Variants in NLGN4X observed in about 807,000 individuals in gnomAD.
NLGN4X encodes neuroligin-4, X-linked.
Under a neutral mutation model 40.3 loss-of-function variants are expected in NLGN4X, and 3 were observed. That is an observed-to-expected ratio of 0.07 (90% CI 0.03 to 0.19). The LOEUF (loss-of-function observed/expected upper bound fraction) is 0.19, where lower values mean the gene tolerates loss of function less well. Among genes scored for constraint, NLGN4X ranks in the 10% least tolerant of loss-of-function variants. The pLI, the probability that NLGN4X is intolerant of heterozygous loss-of-function variation, is 1.00. For missense variants in NLGN4X, 382 were observed against 708.3 expected, an observed-to-expected ratio of 0.54 and a Z score of 5.23; for synonymous variants, 270 against 306.8, an observed-to-expected ratio of 0.88 and a Z score of 1.25.
chrX:6,062,939 A>C (rs930601962), intron 2 of NLGN4X, among the ~76,000 whole-genome samples: 2 of 110,626 alleles, frequency 1.8e-5, no homozygotes, highest in African/African-American at 3.3e-5. Context: ...CTCTGCCCTA[A>C]ACAGAACAGG....
intron 2 of NLGN4X, among the ~76,000 whole-genome samples, chrX:6,075,289 A>G (rs2038167065): frequency 8.9e-6 from 1 of 112,136 alleles, no homozygotes; most frequent in African/African-American, 3.2e-5. Context: ...ATACTTCAAG[A>G]TACTTCAAGA....
intron 2 of NLGN4X, among the ~76,000 whole-genome samples, chrX:6,102,643 T>TATACATACATACATACATACATAC (rs60184331): frequency 9.6e-6 from 1 of 104,395 alleles, no homozygotes; most frequent in Non-Finnish European, 1.9e-5. Flanking sequence ...TTGATAGATA[T>TATACATACATACATACATACATAC]ATACATACAT....
chrX:6,038,179 G>C (rs746779572), intron 2 of NLGN4X, among the ~76,000 whole-genome samples: 1 of 111,790 alleles, frequency 8.9e-6, no homozygotes, highest in East Asian at 2.8e-4. Flanking sequence ...TGGGGATAGA[G>C]GGGTGGCTGG....
At chrX:6,227,181 A>T (rs1461722836) in intron 1 of NLGN4X, 1 of 111,013 alleles carries the variant, frequency 9.0e-6, no homozygotes, top group Non-Finnish European at 1.9e-5. Context: ...GGGACAGCAG[A>T]GAGGCTTGGG....
At chrX:5,928,563 A>C (rs777272272) in intron 3 of NLGN4X, among the ~76,000 whole-genome samples, 1 of 112,084 alleles carries the variant, frequency 8.9e-6, no homozygotes, top group African/African-American at 3.2e-5. Context: ...TACTTGCTGG[A>C]TTCATTTATC....
chrX:6,210,242 TTGTGTGTGTG>T (rs748017875), intron 1 of NLGN4X, among the ~76,000 whole-genome samples: 6 of 94,105 alleles, frequency 6.4e-5, no homozygotes, highest in Admixed American at 2.4e-4. Context: ...GTGCGCCCGT[TTGTGTGTGTG>T]TGTGTGTGTG....
intron 3 of NLGN4X, among the ~76,000 whole-genome samples, chrX:5,957,394 C>T (rs1303536901): frequency 9.0e-6 from 1 of 111,693 alleles, no homozygotes; most frequent in Non-Finnish European, 1.9e-5. Flanking sequence ...CACATAAGCA[C>T]GAATCAGTAC....
intron 2 of NLGN4X, among the ~76,000 whole-genome samples, chrX:6,129,046 G>C (rs2039622881): frequency 9.0e-6 from 1 of 111,389 alleles, no homozygotes; most frequent in Non-Finnish European, 1.9e-5. Context: ...TGCTGCATGA[G>C]TGGGCATTTC....
chrX:6,009,838 C>G (rs900669837), intron 3 of NLGN4X, among the ~76,000 whole-genome samples: 4 of 112,473 alleles, frequency 3.6e-5, no homozygotes, highest in Non-Finnish European at 5.6e-5. Context: ...ACACAGGGGG[C>G]CCCTGTTTCA....
intron 3 of NLGN4X, among the ~76,000 whole-genome samples, chrX:5,997,443 A>G (rs1257724683): frequency 9.7e-6 from 1 of 103,309 alleles, no homozygotes; most frequent in African/African-American, 3.5e-5. Flanking sequence ...GTTACAAATT[A>G]AAAAAAAAAC....
chrX:5,954,386 G>T lies in NLGN4X; in HGVS notation c.626-45147C>A, dbSNP rs2034413779. On this transcript the variant is annotated intron_variant, in intron 3 of 5. Transcript: ENST00000381095. ...CTACAGGCAGGCACCAGCATGCTTGGCTAACTTTTTTTTTTTTTTTTTTTT... is the reference window on the plus strand; with the variant it reads ...CTACAGGCAGGCACCAGCATGCTTGTCTAACTTTTTTTTTTTTTTTTTTTT... 4.6e-5 allele frequency among the ~76,000 whole-genome samples: 4 copies of T among 87,280 alleles called. No individual in the cohort carries two copies. In the Admixed American group the frequency reaches 6.0e-4, roughly 13 times the overall value. The allele number at this position is 87,280 out of a possible 115,157, so 75.8% of individuals were successfully genotyped here.
chrX:6,025,095 T>C (rs1156671020), intron 3 of NLGN4X, among the ~76,000 whole-genome samples: 1 of 111,474 alleles, frequency 9.0e-6, no homozygotes, highest in Admixed American at 9.6e-5. Context: ...GAAATCTGTT[T>C]ATAGAAGTGC....
intron 3 of NLGN4X, among the ~76,000 whole-genome samples, chrX:5,910,580 G>A (rs1452846415): frequency 9.0e-6 from 1 of 111,156 alleles, no homozygotes; most frequent in Non-Finnish European, 1.9e-5. Context: ...TCCAAGGAGT[G>A]ACTGAGTGCC....
chrX:6,095,753 T>C (rs1421957436), intron 2 of NLGN4X, among the ~76,000 whole-genome samples: 1 of 111,904 alleles, frequency 8.9e-6, no homozygotes, highest in Non-Finnish European at 1.9e-5. Context: ...CGTTAGGTGT[T>C]AAAGACTTGG....
chrX:6,036,276 A>G (rs915984993), intron 2 of NLGN4X, among the ~76,000 whole-genome samples: 4 of 111,589 alleles, frequency 3.6e-5, no homozygotes, highest in Non-Finnish European at 7.5e-5. Flanking sequence ...TAGTTGCAAT[A>G]AAAACTCCTG....
chrX:6,113,977 C>T (rs187034044), intron 2 of NLGN4X, among the ~76,000 whole-genome samples: 3 of 110,635 alleles, frequency 2.7e-5, no homozygotes, highest in East Asian at 2.9e-4. Flanking sequence ...TGCACCACTA[C>T]GCCCGGCTAA....
At chrX:5,934,347 T>C (rs2033662955) in intron 3 of NLGN4X, among the ~76,000 whole-genome samples, 1 of 111,495 alleles carries the variant, frequency 9.0e-6, no homozygotes, top group Non-Finnish European at 1.9e-5. Flanking sequence ...AAACTTTACA[T>C]AAAACAGAGA....
chrX:5,904,480 G>A lies in NLGN4X; in HGVS notation c.812-614C>T, dbSNP rs774926424. On this transcript the variant is annotated intron_variant, in intron 4 of 5. Transcript: ENST00000381095. ...TGCTTAAAGAAATCCTCAACTGGGTGCCCAAGTAAGGAGTATTTTTTAGGT... is the reference window on the plus strand; with the variant it reads ...TGCTTAAAGAAATCCTCAACTGGGTACCCAAGTAAGGAGTATTTTTTAGGT... 4.5e-5 allele frequency among the ~76,000 whole-genome samples: 5 copies of A among 112,203 alleles called. No homozygotes were observed. In the East Asian group the frequency reaches 1.1e-3, roughly 25 times the overall value.
At chrX:5,922,244 G>C (rs918474464) in intron 3 of NLGN4X, among the ~76,000 whole-genome samples, 6 of 110,883 alleles carry the variant, frequency 5.4e-5, no homozygotes, top group Admixed American at 4.8e-4. Flanking sequence ...TCGTGGGGAG[G>C]GGGGGAAACA....
Sources: allele counts gnomAD v4.1 joint callset (sites outside exome capture counted in the v4.1 genomes callset), GRCh38; gene constraint gnomAD v4.1.1; transcripts MANE v1.5; gene names NCBI Gene and HGNC (gene_info 2026-07-23, HGNC 2026-07-21).